The following CNTN1 variants were observed in gnomAD, a reference collection of about 807,000 sequenced individuals.
The protein encoded by CNTN1 is contactin-1.
In CNTN1, 38 loss-of-function variants were observed where a neutral mutation model predicts 126.4. The ratio of observed to expected loss-of-function variants is 0.30; its 90% CI spans 0.23 to 0.39. The LOEUF is 0.39. Among genes scored for constraint, CNTN1 ranks in the 10% least tolerant of loss-of-function variants. The pLI is 1.00. For missense variants in CNTN1, 1,009 were observed against 1,248.4 expected (o/e 0.81, Z 2.89); for synonymous variants, 413 against 422.6 (o/e 0.98, Z 0.28).
intron 17 of CNTN1, among the ~76,000 whole-genome samples, chr12:40,994,522 A>G (rs931959703): frequency 1.7e-4 from 26 of 152,256 alleles, no homozygotes; most frequent in African/African-American, 5.8e-4. Flanking sequence ...ATCATGCCAC[A>G]GTTTCTTTAT....
chr12:40,971,929 A>G (rs893456441), intron 15 of CNTN1: 6 of 1,033,996 alleles, frequency 5.8e-6, no homozygotes, highest in Non-Finnish European at 6.9e-6. Context: ...AATGTTGTCA[A>G]ACTCTCTAAT....
intron 1 of CNTN1, among the ~76,000 whole-genome samples, chr12:40,745,849 G>C (rs1016587248): frequency 6.6e-6 from 1 of 152,078 alleles, no homozygotes; most frequent in African/African-American, 2.4e-5. Flanking sequence ...AGTCAGGTTG[G>C]AAAGTAAGGT....
chr12:40,925,278 A>G (rs1040545863), intron 6 of CNTN1, among the ~76,000 whole-genome samples: 1 of 151,922 alleles, frequency 6.6e-6, no homozygotes, highest in African/African-American at 2.4e-5. Context: ...ATTTTCATTT[A>G]TTTATCAAAT....
chr12:40,914,897 T>G (rs916669689), intron 3 of CNTN1, among the ~76,000 whole-genome samples: 1 of 152,142 alleles, frequency 6.6e-6, no homozygotes, highest in African/African-American at 2.4e-5. Context: ...GTTTGCTCAT[T>G]CCTTATATAT....
intron 1 of CNTN1, among the ~76,000 whole-genome samples, chr12:40,846,410 G>A (rs1180444793): frequency 1.3e-5 from 2 of 152,208 alleles, no homozygotes; most frequent in African/African-American, 4.8e-5. Flanking sequence ...GGAGCCTGCA[G>A]TGAGCCGAGA....
intron 23 of CNTN1, among the ~76,000 whole-genome samples, chr12:41,029,915 A>G (rs1383215116): frequency 6.7e-6 from 1 of 150,298 alleles, no homozygotes; most frequent in Non-Finnish European, 1.5e-5. Context: ...CTTTTTTTTT[A>G]TTTCTGGCAA....
At chr12:41,008,876 G>A (rs373563504) in intron 17 of CNTN1, among the ~76,000 whole-genome samples, 1 of 152,174 alleles carries the variant, frequency 6.6e-6, no homozygotes, top group African/African-American at 2.4e-5. Context: ...GCATGAGCAT[G>A]GAGAACTAAA....
chr12:40,949,178 G>T (rs1946553779), intron 14 of CNTN1, among the ~76,000 whole-genome samples: 2 of 115,724 alleles, frequency 1.7e-5, no homozygotes, highest in South Asian at 2.5e-4. Flanking sequence ...GAGGAAAAAT[G>T]ATAAAACAGA....
chr12:40,884,233 T>C (rs565374404), intron 1 of CNTN1, among the ~76,000 whole-genome samples: 5 of 151,714 alleles, frequency 3.3e-5, no homozygotes. Context: ...CCCATTTTTT[T>C]CTTTTTCCTT....
chr12:40,901,968 G>A (rs117582452), intron 1 of CNTN1, among the ~76,000 whole-genome samples: 1 of 152,198 alleles, frequency 6.6e-6, no homozygotes, highest in Non-Finnish European at 1.5e-5. Context: ...GTTAAAGGGG[G>A]TTTCATCACC....
At chr12:41,015,224 A>G (rs951149541) in intron 18 of CNTN1, among the ~76,000 whole-genome samples, 4 of 152,172 alleles carry the variant, frequency 2.6e-5, no homozygotes, top group African/African-American at 9.7e-5. Context: ...TGAATCGTAA[A>G]ATATTTATTT....
At chr12:40,719,474 C>G (rs574885108) in intron 1 of CNTN1, among the ~76,000 whole-genome samples, 1 of 151,984 alleles carries the variant, frequency 6.6e-6, no homozygotes, top group African/African-American at 2.4e-5. Context: ...GATGATCGAT[C>G]GGGCTTATAA....
intron 17 of CNTN1, among the ~76,000 whole-genome samples, chr12:40,993,637 T>C (rs1592373828): frequency 6.6e-6 from 1 of 152,186 alleles, no homozygotes; most frequent in South Asian, 2.1e-4. Flanking sequence ...GACTCTTGCT[T>C]GATTAAACAT....
chr12:40,796,976 A>G (rs1417221446), intron 1 of CNTN1, among the ~76,000 whole-genome samples: 1 of 152,080 alleles, frequency 6.6e-6, no homozygotes, highest in Non-Finnish European at 1.5e-5. Flanking sequence ...TAAACTAATT[A>G]TTTGGAAGTA....
chr12:40,772,223 A>C (rs1397910751), intron 1 of CNTN1, among the ~76,000 whole-genome samples: 2 of 152,054 alleles, frequency 1.3e-5, no homozygotes, highest in Non-Finnish European at 2.9e-5. Flanking sequence ...ATTGCCTTCA[A>C]GTATTTGTGC....
chr12:40,815,585 T>A (rs940735990), intron 1 of CNTN1, among the ~76,000 whole-genome samples: 6 of 152,216 alleles, frequency 3.9e-5, no homozygotes, highest in Admixed American at 3.9e-4. Flanking sequence ...TAAAATCATG[T>A]CATCTACAAA....
chr12:40,759,832 C>A (rs1169960185), intron 1 of CNTN1, among the ~76,000 whole-genome samples: 13 of 145,006 alleles, frequency 9.0e-5, no homozygotes, highest in Non-Finnish European at 1.9e-4. Context: ...AATCAGGCAA[C>A]AACTTATCTT....
intron 23 of CNTN1, among the ~76,000 whole-genome samples, chr12:41,046,512 G>A (rs1260426868): frequency 1.3e-5 from 2 of 151,610 alleles, no homozygotes; most frequent in African/African-American, 4.9e-5. Flanking sequence ...CTTACATTTG[G>A]TTTCTTGATA....
At chr12:40,705,767 A>G (rs931891088) in intron 1 of CNTN1, among the ~76,000 whole-genome samples, 11 of 152,216 alleles carry the variant, frequency 7.2e-5, no homozygotes, top group African/African-American at 2.7e-4. Context: ...CAGGCTGTAC[A>G]GGAAGCATAA....
Sources: allele counts gnomAD v4.1 joint callset (sites outside exome capture counted in the v4.1 genomes callset), GRCh38; gene constraint gnomAD v4.1.1; transcripts MANE v1.5; gene names NCBI Gene and HGNC (gene_info 2026-07-23, HGNC 2026-07-21).